The following ARHGAP6 variants were observed in gnomAD, a reference collection of about 807,000 sequenced individuals.
The protein encoded by ARHGAP6 is Rho GTPase activating protein 6, also known as rho GTPase-activating protein 6.
In ARHGAP6, 16 loss-of-function variants were observed where a neutral mutation model predicts 55.7. That is an observed-to-expected ratio of 0.29 (90% CI 0.19 to 0.44). The LOEUF is 0.44. Ranked by LOEUF, ARHGAP6 falls within the 20% of genes least tolerant of loss-of-function variation. The pLI is 1.00. For missense variants in ARHGAP6, 698 were observed against 808.9 expected (o/e 0.86, Z 1.66); for synonymous variants, 382 against 360.9 (o/e 1.06, Z -0.66).
chrX:11,471,009 A>G (rs2050341833), intron 1 of ARHGAP6, among the ~76,000 whole-genome samples: 1 of 111,917 alleles, frequency 8.9e-6, no homozygotes, highest in Admixed American at 9.5e-5. Flanking sequence ...ATTAAATATA[A>G]AATGTATCTT....
intron 1 of ARHGAP6, among the ~76,000 whole-genome samples, chrX:11,450,801 G>A (rs1275334043): frequency 9.0e-6 from 1 of 111,343 alleles, no homozygotes; most frequent in Admixed American, 9.5e-5. Context: ...GCAGTACCCT[G>A]GGCCTCTGTC....
At chrX:11,449,930 C>T (rs1462527279) in intron 1 of ARHGAP6, among the ~76,000 whole-genome samples, 1 of 111,603 alleles carries the variant, frequency 9.0e-6, no homozygotes, top group Non-Finnish European at 1.9e-5. Context: ...CTGGGGAACA[C>T]TCTAAGACAC....
At chrX:11,601,344 G>A (rs978205016) in intron 1 of ARHGAP6, among the ~76,000 whole-genome samples, 2 of 111,223 alleles carry the variant, frequency 1.8e-5, no homozygotes, top group Non-Finnish European at 3.8e-5. Context: ...GGCAGGGAGA[G>A]GAAGTAGAGC....
chrX:11,388,243 G>A (rs1327371686), intron 1 of ARHGAP6, among the ~76,000 whole-genome samples: 17 of 111,489 alleles, frequency 1.5e-4, no homozygotes, highest in South Asian at 7.6e-4. Context: ...AATGATCACC[G>A]TTCTAACTGG....
intron 1 of ARHGAP6, among the ~76,000 whole-genome samples, chrX:11,661,451 G>A (rs1054738698): frequency 8.9e-6 from 1 of 112,622 alleles, no homozygotes; most frequent in African/African-American, 3.2e-5. Flanking sequence ...GCCATAAAAT[G>A]GTCATTTGTA....
intron 2 of ARHGAP6, among the ~76,000 whole-genome samples, chrX:11,201,989 C>CTGTGTGTGTGTGTGTGTGTGTGTG (rs56023548): frequency 4.6e-5 from 3 of 65,541 alleles, no homozygotes; most frequent in African/African-American, 1.8e-4. Flanking sequence ...GCATCTGGAT[C>CTGTGTGTGTGTGTGTGTGTGTGTG]TGTGTGTGTG....
At chrX:11,544,169 A>G (rs1484296062) in intron 1 of ARHGAP6, among the ~76,000 whole-genome samples, 1 of 112,455 alleles carries the variant, frequency 8.9e-6, no homozygotes, top group East Asian at 2.8e-4. Flanking sequence ...AACATGTGAA[A>G]GGTATGTTGC....
At chrX:11,421,633 C>G (rs2049824928) in intron 1 of ARHGAP6, among the ~76,000 whole-genome samples, 1 of 111,853 alleles carries the variant, frequency 8.9e-6, no homozygotes, top group South Asian at 3.8e-4. Context: ...ACTAGATTAC[C>G]TCAGAGTCAG....
intron 1 of ARHGAP6, among the ~76,000 whole-genome samples, chrX:11,433,094 G>A (rs1438499526): frequency 8.9e-6 from 1 of 112,351 alleles, no homozygotes; most frequent in African/African-American, 3.2e-5. Context: ...AGACAGCTGG[G>A]CTGAAGACCA....
intron 1 of ARHGAP6, among the ~76,000 whole-genome samples, chrX:11,496,380 A>G (rs1428446056): frequency 8.9e-6 from 1 of 112,156 alleles, no homozygotes; most frequent in African/African-American, 3.2e-5. Flanking sequence ...TTATTAGCAC[A>G]AGAATGAGCT....
intron 1 of ARHGAP6, among the ~76,000 whole-genome samples, chrX:11,522,811 G>A (rs1285251612): frequency 3.6e-5 from 4 of 111,645 alleles, no homozygotes; most frequent in Non-Finnish European, 7.5e-5. Flanking sequence ...GAGGTACAAG[G>A]AGGAGCTGGT....
chrX:11,427,433 C>T, intron 1 of ARHGAP6: 1 of 851,259 alleles, frequency 1.2e-6, no homozygotes. Context: ...GGCCACCCGC[C>T]ACCCCCTCAG....
intron 1 of ARHGAP6, among the ~76,000 whole-genome samples, chrX:11,628,840 A>C (rs2147172815): frequency 8.9e-6 from 1 of 112,723 alleles, no homozygotes; most frequent in Non-Finnish European, 1.9e-5. Context: ...GTGGGTATAA[A>C]TACTTCCTGT....
At chrX:11,585,718 T>C (rs919997820) in intron 1 of ARHGAP6, among the ~76,000 whole-genome samples, 15 of 112,294 alleles carry the variant, frequency 1.3e-4, no homozygotes, top group Middle Eastern at 4.2e-3. Flanking sequence ...TCCCATTGTA[T>C]TAGTCCATTC....
At chrX:11,486,509 T>C (rs745959567) in intron 1 of ARHGAP6, among the ~76,000 whole-genome samples, 1 of 111,940 alleles carries the variant, frequency 8.9e-6, no homozygotes, top group African/African-American at 3.3e-5. Context: ...AAATCAATTA[T>C]AAAAAATAAT....
chrX:11,311,827 G>A (rs2048304964), intron 1 of ARHGAP6, among the ~76,000 whole-genome samples: 2 of 111,325 alleles, frequency 1.8e-5, no homozygotes, highest in South Asian at 7.6e-4. Flanking sequence ...TCAGGCACAC[G>A]CTATGTTACT....
chrX:11,664,639 G>C lies in ARHGAP6; in HGVS notation c.190C>G (p.Arg64Gly), dbSNP rs1035215019. 6.1e-6 allele frequency: 7 copies of C among 1,156,790 alleles called. No individual in the cohort carries two copies. The highest frequency in any genetic ancestry group is 8.1e-6 in the Non-Finnish European group (7 of 868,934). ...EGSARGATAG[R>G]LYSPSLPAES... ...GCTGGGAGTGATGGGGAGTAGAGGC[G>C]GCCCGCCGTGGCTCCCCGCGCACTG... Residue 64 changes from arginine to glycine, a missense_variant, in exon 1 of 13, where the codon CGC becomes GGC. By Grantham distance (125) the Arg-to-Gly change is moderately radical. Around this residue, in one of 3 missense-constraint regions of ARHGAP6, gnomAD observed 164 missense variants for 149.2 expected, o/e 1.10. Coordinates refer to ENST00000337414, the MANE Select transcript of ARHGAP6 (RefSeq NM_013427.3).
intron 1 of ARHGAP6, among the ~76,000 whole-genome samples, chrX:11,645,131 A>C (rs2052513376): frequency 9.0e-6 from 1 of 111,695 alleles, no homozygotes; most frequent in Non-Finnish European, 1.9e-5. Flanking sequence ...ATTCTTAAAC[A>C]GACAAGACTA....
chrX:11,597,587 C>T (rs749529128), intron 1 of ARHGAP6, among the ~76,000 whole-genome samples: 2 of 111,829 alleles, frequency 1.8e-5, no homozygotes, highest in African/African-American at 6.5e-5. Flanking sequence ...TTCTGTAAGC[C>T]GTAAGGAATT....
Sources: allele counts gnomAD v4.1 joint callset (sites outside exome capture counted in the v4.1 genomes callset), GRCh38; gene constraint gnomAD v4.1.1; regional missense constraint gnomAD v4.1.1; transcripts MANE v1.5; gene names NCBI Gene and HGNC (gene_info 2026-07-23, HGNC 2026-07-21).